Variants in IFT74 observed in about 807,000 individuals in gnomAD.
The protein encoded by IFT74 is intraflagellar transport 74, also known as intraflagellar transport protein 74 homolog.
In IFT74, 92 loss-of-function variants were observed where a neutral mutation model predicts 96.7. The ratio of observed to expected loss-of-function variants is 0.95; its 90% CI spans 0.80 to 1.13. IFT74 has a LOEUF of 1.13. Among genes scored for constraint, IFT74 ranks in the 50% most tolerant of loss-of-function variants. The probability of loss-of-function intolerance (pLI) is 0.00; values close to 1 mark genes in which losing one functional copy is unlikely to be tolerated. For synonymous variants in IFT74, 223 were observed against 213.2 expected, an observed-to-expected ratio of 1.05 and a Z score of -0.40; for missense variants, 811 against 698.2, an observed-to-expected ratio of 1.16 and a Z score of -1.82.
In IFT74 at chr9:27,065,242, G is replaced by A. The variant is rs1384127398; in HGVS notation, c.*2506G>A. 6.6e-6 allele frequency among the ~76,000 whole-genome samples: 1 copy of A among 152,138 alleles called. No individual in the cohort carries two copies. The highest frequency in any genetic ancestry group is 1.9e-4 in the East Asian group (1 of 5,194). On this transcript the variant is annotated 3_prime_UTR_variant, in exon 20 of 20. Transcript: ENST00000380062. ...CTTTAAATTAAAACATGTTTTATCT[G>A]AGGGAAATTCTCACTAATGTCTCTC...
At position 26,948,448 on chromosome 9, in the gene IFT74, A is replaced by ATTATTATTATTATTATTTTTTTTTTTT. The variant is rs1825819541; in HGVS notation, c.-20+1304_-20+1305insATTATTATTATTATTTTTTTTTTTTTT. On this transcript the variant is annotated intron_variant, in intron 1 of 19. Transcript: ENST00000433700. ...TGACAACCTGTGATGGCTTTCCATT[A>ATTATTATTATTATTATTTTTTTTTTTT]TTTTTTTTTTTTTTTTTTTTTTTTT... is the stretch of plus-strand genomic sequence containing the variant. Among the ~76,000 whole-genome samples, 13 of 59,166 alleles carry ATTATTATTATTATTATTTTTTTTTTTT rather than the reference A, an allele frequency of 2.2e-4. 1 individual carries two copies. Among genetic ancestry groups the ATTATTATTATTATTATTTTTTTTTTTT allele is most frequent in the South Asian group, 6.2e-4 (1 of 1,618 alleles). The allele number at this position is 59,166 out of a possible 152,430, so 38.8% of individuals were successfully genotyped here.
Position 26,980,568 on chromosome 9 carries a change from T to C in IFT74, c.257-3T>C, listed in dbSNP as rs114417039. Reference sequence around the variant, plus strand: ...CACTAACACTTAAAACATTTTTTTTTAGGTCCCCAGAGGCAAATTTTAGAC... The same window carrying C: ...CACTAACACTTAAAACATTTTTTTTCAGGTCCCCAGAGGCAAATTTTAGAC... On this transcript the variant is annotated splice_region_variant and splice_polypyrimidine_tract_variant and intron_variant, in intron 3 of 19. Transcript: ENST00000380062. The C allele has an allele frequency of 2.3e-3, 3,624 of 1,594,370 alleles. 84 individuals carry two copies. The African/African-American group carries it at 0.044, about 19-fold the overall frequency.
At chr9:27,022,646 CT>C (rs112202812) in intron 12 of IFT74, among the ~76,000 whole-genome samples, 3,456 of 141,588 alleles carry the variant, frequency 0.024, 109 homozygotes, top group African/African-American at 0.078. Flanking sequence ...TTCTTGATTT[CT>C]TTTTTTTTTT....
At chr9:26,954,074 A>G (rs948615350), upstream of IFT74, among the ~76,000 whole-genome samples, 1 of 152,106 alleles carries the variant, frequency 6.6e-6, no homozygotes, top group East Asian at 1.9e-4. Context: ...ACATTGGACT[A>G]TTTTCCCTAT....
At chr9:26,974,055 C>A (rs1587265021) in intron 2 of IFT74, among the ~76,000 whole-genome samples, 1 of 152,104 alleles carries the variant, frequency 6.6e-6, no homozygotes, top group South Asian at 2.1e-4. Context: ...CTTTGCTCCC[C>A]CACACTCTTT....
intron 2 of IFT74, among the ~76,000 whole-genome samples, chr9:26,976,263 C>A (rs1247802570): frequency 6.6e-6 from 1 of 152,138 alleles, no homozygotes; most frequent in Non-Finnish European, 1.5e-5. Context: ...CCCCGACAAG[C>A]CCCCAGAATT....
intron 11 of IFT74, among the ~76,000 whole-genome samples, chr9:27,017,735 A>C (rs1459500961): frequency 6.6e-6 from 1 of 152,204 alleles, no homozygotes; most frequent in African/African-American, 2.4e-5. Context: ...AATGGAATTA[A>C]AATGTCCTGT....
chr9:27,049,692 A>G (rs1819842193), intron 16 of IFT74, among the ~76,000 whole-genome samples: 1 of 152,310 alleles, frequency 6.6e-6, no homozygotes, highest in Admixed American at 6.5e-5. Flanking sequence ...TTATGATACA[A>G]TGAAATAATG....
intron 13 of IFT74, among the ~76,000 whole-genome samples, chr9:27,038,054 G>A (rs1213763553): frequency 6.6e-6 from 1 of 152,200 alleles, no homozygotes; most frequent in Non-Finnish European, 1.5e-5. Context: ...GAGGATTTGT[G>A]CTGTCCTTGA....
rs200038799 is a variant in IFT74 at position 26,997,862 on chromosome 9, C to T, written c.587+7667C>T. ...TACATCCAAATAGCTAATCAAATTG[C>T]CTTGCAGATTCAGAAGTTTTAGGCT... On this transcript the variant is annotated intron_variant, in intron 8 of 19. Coordinates refer to ENST00000380062, the MANE Select transcript of IFT74 (RefSeq NM_025103.4). 2.5e-4 allele frequency: 407 copies of T among 1,614,006 alleles called. No individual in the cohort carries two copies. Among genetic ancestry groups the T allele is most frequent in the Non-Finnish European group, 3.3e-4 (392 of 1,180,012 alleles).
chr9:26,949,518 T>A (rs573110324), intron 1 of IFT74, among the ~76,000 whole-genome samples: 71 of 152,344 alleles, frequency 4.7e-4, no homozygotes, highest in African/African-American at 1.7e-3. Flanking sequence ...CCCCTCGTGC[T>A]GTAATTGCCC....
intron 2 of IFT74, among the ~76,000 whole-genome samples, chr9:26,975,590 C>T (rs1457343525): frequency 6.6e-6 from 1 of 152,096 alleles, no homozygotes; most frequent in Non-Finnish European, 1.5e-5. Flanking sequence ...GTTTATTTTT[C>T]CTGTCTTACG....
intron 10 of IFT74, among the ~76,000 whole-genome samples, chr9:27,015,979 C>G (rs757149203): frequency 6.6e-6 from 1 of 152,106 alleles, no homozygotes; most frequent in African/African-American, 2.4e-5. Flanking sequence ...TTTGTCACAT[C>G]CTTATTTTTT....
chr9:27,019,094 A>G (rs1050981465), intron 12 of IFT74, among the ~76,000 whole-genome samples: 8 of 152,082 alleles, frequency 5.3e-5, no homozygotes, highest in African/African-American at 1.9e-4. Context: ...AGCCAGGACT[A>G]CAGGCACACA....
At chr9:27,017,122 G>T in intron 11 of IFT74, 72 bp downstream of exon 11, 7 of 1,235,730 alleles carry the variant, frequency 5.7e-6, no homozygotes, top group Non-Finnish European at 7.8e-6. Flanking sequence ...TTTTTTAAAG[G>T]GATATTAATG....
intron 10 of IFT74, among the ~76,000 whole-genome samples, chr9:27,013,638 A>T (rs1238572898): frequency 6.6e-6 from 1 of 152,200 alleles, no homozygotes; most frequent in East Asian, 1.9e-4. Context: ...ATTTTCATTT[A>T]TTTATGAATA....
intron 2 of IFT74, among the ~76,000 whole-genome samples, chr9:26,963,795 T>C (rs909858278): frequency 2.0e-5 from 3 of 152,222 alleles, no homozygotes; most frequent in African/African-American, 7.2e-5. Context: ...CGCCCACTTT[T>C]TGATGGGGTT....
At chr9:26,968,891 T>A (rs746004024) in intron 2 of IFT74, among the ~76,000 whole-genome samples, 1 of 72,094 alleles carries the variant, frequency 1.4e-5, no homozygotes. Flanking sequence ...ATCTTTTATA[T>A]TTTTTTTGTT....
At chr9:26,952,259 GTTTA>G (rs1291871078), upstream of IFT74, among the ~76,000 whole-genome samples, 1 of 149,500 alleles carries the variant, frequency 6.7e-6, no homozygotes, top group Non-Finnish European at 1.5e-5. Context: ...CTCATTGAAA[GTTTA>G]TTTAATTTTT....
Sources: gnomAD v4.1 joint callset for allele counts (sites outside exome capture counted in the v4.1 genomes callset) on GRCh38, gnomAD v4.1.1 for gene constraint, MANE v1.5 for transcripts, NCBI Gene and HGNC (gene_info 2026-07-23, HGNC 2026-07-21) for gene names.